FOLH1: variants seen among roughly 807,000 people sequenced by gnomAD.
FOLH1 encodes the protein glutamate carboxypeptidase 2.
In FOLH1, 54 loss-of-function variants were observed where a neutral mutation model predicts 93.9. The observed-to-expected ratio is 0.57, with a 90% CI of 0.46 to 0.72. The LOEUF is 0.72. FOLH1 is among the 30% of genes least tolerant of loss of function. FOLH1 has a pLI of 0.00. For missense variants in FOLH1, 571 were observed against 892.5 expected, an observed-to-expected ratio of 0.64 and a Z score of 4.59; for synonymous variants, 249 against 303.6, an observed-to-expected ratio of 0.82 and a Z score of 1.87.
chr11:49,200,162 T>G (rs1863112476), intron 3 of FOLH1, 93 bp downstream of exon 3: 1 of 1,147,566 alleles, frequency 8.7e-7, no homozygotes, highest in Non-Finnish European at 1.2e-6. Flanking sequence ...TCTATTAATA[T>G]TTAGAGATGG....
chr11:49,179,974 G>C (rs568507664), intron 7 of FOLH1, among the ~76,000 whole-genome samples: 1 of 152,278 alleles, frequency 6.6e-6, no homozygotes, highest in South Asian at 2.1e-4. Flanking sequence ...GAGTGAGTGG[G>C]CTGTGAGACG....
intron 17 of FOLH1, among the ~76,000 whole-genome samples, chr11:49,149,002 ACATGTGC>A (rs1856121191): frequency 6.6e-6 from 1 of 152,072 alleles, no homozygotes; most frequent in Admixed American, 6.6e-5. Context: ...ACACATGTAT[ACATGTGC>A]CATGTTGGTG....
intron 9 of FOLH1, among the ~76,000 whole-genome samples, chr11:49,174,409 T>C (rs1002572516): frequency 2.0e-5 from 3 of 152,196 alleles, no homozygotes; most frequent in Admixed American, 1.3e-4. Flanking sequence ...TGAACTTCTA[T>C]GGAAATCATA....
At chr11:49,205,599 G>T (rs1863824228) in intron 2 of FOLH1, among the ~76,000 whole-genome samples, 1 of 152,282 alleles carries the variant, frequency 6.6e-6, no homozygotes, top group South Asian at 2.1e-4. Flanking sequence ...AGCAAACTAG[G>T]TTCCACTGGC....
intron 17 of FOLH1, among the ~76,000 whole-genome samples, chr11:49,151,435 C>A (rs1399072256): frequency 1.3e-5 from 2 of 152,248 alleles, no homozygotes; most frequent in African/African-American, 4.8e-5. Context: ...CACAGACACA[C>A]ACACACACAC....
Position 49,185,856 on chromosome 11 carries a change from C to T in FOLH1, c.640-1G>A. 2 of 1,529,040 alleles carry T rather than the reference C, an allele frequency of 1.3e-6. No individual in the cohort carries two copies. The highest frequency in any genetic ancestry group is 1.7e-6 in the Non-Finnish European group (2 of 1,144,636). The allele number at this position is 1,529,040 out of a possible 1,614,324, so 94.7% of individuals were successfully genotyped here. A position where few individuals can be genotyped will look rare whatever the true frequency, so the allele number is the denominator to read the frequency against. Reference sequence around the variant, plus strand: ...CCCCTGCCAGCTGGGCATTTTTAACCTAGAAAACACAGTGTCTTTCTTTCC... The same window carrying T: ...CCCCTGCCAGCTGGGCATTTTTAACTTAGAAAACACAGTGTCTTTCTTTCC... On this transcript the variant is annotated splice_acceptor_variant, in intron 5 of 18. Coordinates refer to ENST00000256999, the MANE Select transcript of FOLH1 (RefSeq NM_004476.3). LOFTEE classifies it high-confidence loss of function.
At chr11:49,163,522 G>C (rs1011614698) in intron 13 of FOLH1, among the ~76,000 whole-genome samples, 1 of 126,026 alleles carries the variant, frequency 7.9e-6, no homozygotes, top group African/African-American at 3.0e-5. Context: ...CCACCCAAGA[G>C]CTCTTTCCCA....
chr11:49,164,379 C>A (rs888653332), intron 13 of FOLH1, among the ~76,000 whole-genome samples: 2 of 152,076 alleles, frequency 1.3e-5, no homozygotes, highest in East Asian at 3.9e-4. Flanking sequence ...AGGAGTTGAG[C>A]CATAGGACCA....
intron 18 of FOLH1, among the ~76,000 whole-genome samples, chr11:49,147,756 G>T (rs1467256049): frequency 6.6e-6 from 1 of 152,038 alleles, no homozygotes; most frequent in Admixed American, 6.6e-5. Flanking sequence ...ACACCCTGTC[G>T]CTACAAATGA....
chr11:49,169,471 C>G (rs931914198), intron 11 of FOLH1, among the ~76,000 whole-genome samples: 7 of 152,152 alleles, frequency 4.6e-5, no homozygotes, highest in African/African-American at 1.4e-4. Flanking sequence ...TTGTTAAAAG[C>G]TAATATTTAA....
At chr11:49,202,509 T>C (rs1347203040) in intron 2 of FOLH1, among the ~76,000 whole-genome samples, 3 of 152,026 alleles carry the variant, frequency 2.0e-5, no homozygotes, top group Non-Finnish European at 2.9e-5. Context: ...CCTGAGTAGA[T>C]AGGACTACAG....
chr11:49,176,590 A>G (rs545427381), intron 7 of FOLH1, among the ~76,000 whole-genome samples: 1 of 152,226 alleles, frequency 6.6e-6, no homozygotes, highest in South Asian at 2.1e-4. Flanking sequence ...ACTTCAACAT[A>G]TCTGCCTTTA....
intron 7 of FOLH1, among the ~76,000 whole-genome samples, chr11:49,178,018 A>G (rs545899075): frequency 2.4e-4 from 37 of 152,082 alleles, no homozygotes; most frequent in Middle Eastern, 3.4e-3. Context: ...GCATGTACAC[A>G]TAGAGGGTCT....
At chr11:49,150,632 C>T (rs1206017381) in intron 17 of FOLH1, among the ~76,000 whole-genome samples, 1 of 152,094 alleles carries the variant, frequency 6.6e-6, no homozygotes, top group East Asian at 1.9e-4. Flanking sequence ...TTACTTAAGT[C>T]TTTCAACAAT....
At chr11:49,180,992 T>A (rs906544378) in intron 7 of FOLH1, among the ~76,000 whole-genome samples, 1 of 152,216 alleles carries the variant, frequency 6.6e-6, no homozygotes, top group African/African-American at 2.4e-5. Flanking sequence ...ACAGCTGATA[T>A]TGACCTAGTA....
chr11:49,204,936 T>C (rs1863713885), intron 2 of FOLH1, among the ~76,000 whole-genome samples: 1 of 151,688 alleles, frequency 6.6e-6, no homozygotes, highest in South Asian at 2.1e-4. Context: ...CTGGGCTGGG[T>C]GTGGGGGCTC....
At chr11:49,203,224 T>TG (rs1183897406) in intron 2 of FOLH1, among the ~76,000 whole-genome samples, 2 of 152,180 alleles carry the variant, frequency 1.3e-5, no homozygotes, top group Non-Finnish European at 2.9e-5. Context: ...AATCTTATCT[T>TG]GCAAAACAAT....
chr11:49,159,407 A>G (rs1459358681), intron 13 of FOLH1, among the ~76,000 whole-genome samples: 2 of 152,146 alleles, frequency 1.3e-5, no homozygotes, highest in Non-Finnish European at 2.9e-5. Flanking sequence ...TTTTGTTTCT[A>G]GTTCTGCCTA....
In FOLH1 at chr11:49,148,746, G is replaced by T. The variant is rs562762553; in HGVS notation, c.1971-15C>A. On this transcript the variant is annotated splice_polypyrimidine_tract_variant and intron_variant, in intron 17 of 18. Coordinates refer to ENST00000256999, the MANE Select transcript of FOLH1 (RefSeq NM_004476.3). The stretch of plus-strand genomic sequence containing the variant: ...ATACTATTGGGCTGAGAAAGAAAAT[G>T]AATATAATTATAACTTCATGAAAAT... The T allele has an allele frequency of 2.0e-6, 3 of 1,537,180 alleles. No homozygotes were observed. The Admixed American group carries it at 6.6e-5, about 34-fold the overall frequency.
Sources: gnomAD v4.1 joint callset for allele counts (sites outside exome capture counted in the v4.1 genomes callset) on GRCh38, gnomAD v4.1.1 for gene constraint, MANE v1.5 for transcripts, NCBI Gene and HGNC (gene_info 2026-07-23, HGNC 2026-07-21) for gene names.